The following CELSR2 variants were observed in gnomAD, a reference collection of about 807,000 sequenced individuals.
CELSR2 encodes the protein cadherin EGF LAG seven-pass G-type receptor 2, also known as EGF-like protein 2.
Under a neutral mutation model 251.6 loss-of-function variants are expected in CELSR2, and 81 were observed. That is an observed-to-expected ratio of 0.32 (90% CI 0.27 to 0.39). The LOEUF (loss-of-function observed/expected upper bound fraction) is 0.39. Among genes scored for constraint, CELSR2 ranks in the 10% least tolerant of loss-of-function variants. The pLI is 1.00. For synonymous variants in CELSR2, 1,721 were observed against 1,670.5 expected (o/e 1.03, Z -0.74); for missense variants, 3,365 against 3,947.7 (o/e 0.85, Z 3.96).
chr1:109,259,344 G>T (rs1397816259), intron 2 of CELSR2, among the ~76,000 whole-genome samples: 1 of 152,254 alleles, frequency 6.6e-6, no homozygotes, highest in Non-Finnish European at 1.5e-5. Context: ...GCCTGTGTTC[G>T]TGTATCAGCT....
intron 8 of CELSR2, 120 bp downstream of exon 8, chr1:109,263,387 G>A (rs549622548): frequency 2.6e-5 from 37 of 1,443,314 alleles, no homozygotes; most frequent in Non-Finnish European, 3.4e-5. Context: ...GGAAAAGCGT[G>A]TCTGGGCAGA....
chr1:109,269,386 C>T lies in CELSR2; in HGVS notation c.6813-38C>T, dbSNP rs1333055580. ...CGGGGGCGTCTCCCCAGTCATGTGACTGCCGTGGTGACTGTGCACCTGACT... is the reference window on the plus strand; with the variant it reads ...CGGGGGCGTCTCCCCAGTCATGTGATTGCCGTGGTGACTGTGCACCTGACT... On this transcript the variant is annotated intron_variant, in intron 20 of 33. Transcript: ENST00000271332. This position sits in a 1 kb window ranked among gnomAD's most constrained non-coding sequence, Gnocchi z 6.4. 5.0e-6 allele frequency: 8 copies of T among 1,610,598 alleles called. No individual in the cohort carries two copies. Among genetic ancestry groups the T allele is most frequent in the Admixed American group, 3.3e-5 (2 of 59,778 alleles).
chr1:109,270,797 G>T, intron 24 of CELSR2, 130 bp from the exon 25 acceptor site: 1 of 991,256 alleles, frequency 1.0e-6, no homozygotes, highest in South Asian at 1.5e-5. Flanking sequence ...GGGGAGATCG[G>T]TAGGGGCCGA....
chr1:109,251,818 T>C lies in CELSR2; in HGVS notation c.1739T>C (p.Val580Ala), dbSNP rs1485851592. Residue 580 changes from valine to alanine, a missense_variant, in exon 1 of 34, where the codon GTA becomes GCA. Transcript: ENST00000271332. The surrounding 1 kb of genome is among the most constrained non-coding windows in gnomAD (Gnocchi z 4.9). ...REEVDFYSFG[V>A]EARDHGTPAL... is the part of the protein sequence containing the mutation. ...GAAGTTGATTTCTACAGCTTTGGGG[T>C]AGAAGCTCGAGACCATGGCACTCCA... 6.2e-7 allele frequency: 1 copy of C among 1,613,838 alleles called. No individual in the cohort carries two copies. Among genetic ancestry groups the C allele is most frequent in the African/African-American group, 1.3e-5 (1 of 74,858 alleles).
At position 109,265,658 on chromosome 1, in the gene CELSR2, G is replaced by T. The variant is rs1019676910; in HGVS notation, c.5728-77G>T. On this transcript the variant is annotated intron_variant, in intron 13 of 33. Transcript: ENST00000271332. ...TGAGGTCGGGACCCTCTCCACAGGGGCCACAGCTGAGAAGGACCCATGAGC... is the reference window on the plus strand; with the variant it reads ...TGAGGTCGGGACCCTCTCCACAGGGTCCACAGCTGAGAAGGACCCATGAGC... 3 of 1,537,982 alleles carry T rather than the reference G, an allele frequency of 2.0e-6. No individual in the cohort carries two copies. In the African/African-American group the frequency reaches 4.1e-5, roughly 21 times the overall value.
At position 109,249,941 on chromosome 1, in the gene CELSR2, ACGCAGGCCCCGCGGGG is replaced by A. The variant is rs1462869404; in HGVS notation, c.-134_-119del. The A allele has an allele frequency of 2.6e-6, 2 of 770,990 alleles. No homozygotes were observed. Among genetic ancestry groups the A allele is most frequent in the Admixed American group, 4.9e-5 (1 of 20,290 alleles). The allele number at this position is 770,990 out of a possible 1,614,324, so 47.8% of individuals were successfully genotyped here. A position where few individuals can be genotyped will look rare whatever the true frequency, so the allele number is the denominator to read the frequency against. On this transcript the variant is annotated 5_prime_UTR_variant, in exon 1 of 34. Transcript: ENST00000271332. Reference sequence around the variant, plus strand: ...CGCGGGGTCCCGCCGAGCCATCCAGACGCAGGCCCCGCGGGGCGCACGGGAGGCCCCCGGGGACTGG... The same window carrying A: ...CGCGGGGTCCCGCCGAGCCATCCAGACGCACGGGAGGCCCCCGGGGACTGG...
rs757286169 is a variant in CELSR2 at position 109,250,666 on chromosome 1, C to T, written c.587C>T (p.Ala196Val). The part of the protein sequence containing the change: ...YQATVPENQP[A>V]GTPVASLRAI... The stretch of plus-strand genomic sequence containing the variant: ...GCCACAGTGCCGGAGAACCAGCCAG[C>T]AGGCACCCCTGTTGCATCCCTGAGG... The change falls in exon 1 of 34, where the codon GCA (alanine) becomes GTA (valine). Residue 196 changes from alanine to valine, a missense_variant. By Grantham distance (64) the Ala-to-Val change is moderately conservative. Coordinates refer to ENST00000271332, the MANE Select transcript of CELSR2 (RefSeq NM_001408.3). This position sits in a 1 kb window ranked among gnomAD's most constrained non-coding sequence, Gnocchi z 4.4. 3 of 1,614,114 alleles carry T rather than the reference C, an allele frequency of 1.9e-6. No homozygotes were observed. In the South Asian group the frequency reaches 3.3e-5, roughly 18 times the overall value.
intron 12 of CELSR2, 78 bp downstream of exon 12, chr1:109,265,087 G>C (rs72975226): frequency 1.9e-6 from 3 of 1,599,106 alleles, no homozygotes. Flanking sequence ...AGCCCCGAAA[G>C]CCTGGCTGAT....
rs1166664437 is a variant in CELSR2 at position 109,251,716 on chromosome 1, G to A, written c.1637G>A (p.Gly546Glu). The change falls in exon 1 of 34, where the codon GGG becomes GAG. Residue 546 changes from glycine (G) to glutamate (E), a missense_variant. Gly to Glu is a moderately conservative substitution (Grantham distance 98, BLOSUM62 -2). Coordinates refer to ENST00000271332, the MANE Select transcript of CELSR2 (RefSeq NM_001408.3). This position sits in a 1 kb window ranked among gnomAD's most constrained non-coding sequence, Gnocchi z 4.9. ...GCCCGCCTGGAATACCGCCTTGCTG[G>A]GGTGGGACATGACTTCCCCTTCACC... ...DNARLEYRLA[G>E]VGHDFPFTIN... The A allele has an allele frequency of 1.2e-6, 2 of 1,614,044 alleles. No individual in the cohort carries two copies. The highest frequency in any genetic ancestry group is 2.2e-5 in the East Asian group (1 of 44,880).
In CELSR2 at chr1:109,261,276, G is replaced by A. The variant is rs749362973; in HGVS notation, c.4181+12G>A. On this transcript the variant is annotated intron_variant, in intron 3 of 33. Transcript: ENST00000271332. The surrounding 1 kb of genome is among the most constrained non-coding windows in gnomAD (Gnocchi z 4.8). Reference sequence around the variant, plus strand: ...ACCCTGGCCCTCTCGTGAGTGGCTGGGCACTGGGGGTGGGGAGTGGGCCTG... The same window carrying A: ...ACCCTGGCCCTCTCGTGAGTGGCTGAGCACTGGGGGTGGGGAGTGGGCCTG... 6.2e-7 allele frequency: 1 copy of A among 1,610,484 alleles called. No homozygotes were observed. The highest frequency in any genetic ancestry group is 1.1e-5 in the South Asian group (1 of 90,854).
rs764609131 is a variant in CELSR2, at chr1:109,273,327, C to G, written c.8500C>G (p.Pro2834Ala). The G allele has an allele frequency of 1.3e-6, 2 of 1,597,716 alleles. No homozygotes were observed. The highest frequency in any genetic ancestry group is 1.7e-6 in the Non-Finnish European group (2 of 1,171,742). The change falls in exon 32 of 34, where the codon CCT becomes GCT. Residue 2834 changes from proline (P) to alanine (A), a missense_variant. Coordinates refer to ENST00000271332, the MANE Select transcript of CELSR2 (RefSeq NM_001408.3). ...LGPLPGSSAQ[P>A]HKGILKKKCL... ...CCCCCTTCCAGGCTCTTCTGCCCAG[C>G]CTCACAAAGGTGAGTGGGGCACCCC...
At position 109,263,826 on chromosome 1, in the gene CELSR2, T is replaced by C. The variant is rs767677688; in HGVS notation, c.5001+49T>C. On this transcript the variant is annotated intron_variant, in intron 9 of 33. Transcript: ENST00000271332. ...CCCTGGCCTGGCCATAGGGCCCTGGTAGCCTCTAGGCGGCTGGACAGAAGT... is the reference window on the plus strand; with the variant it reads ...CCCTGGCCTGGCCATAGGGCCCTGGCAGCCTCTAGGCGGCTGGACAGAAGT... The C allele has an allele frequency of 9.4e-6, 15 of 1,590,016 alleles. No individual in the cohort carries two copies. The South Asian group carries it at 1.6e-4, about 17-fold the overall frequency.
rs1370638465 is a variant in CELSR2 at position 109,261,187 on chromosome 1, C to A, written c.4104C>A (p.Thr1368=). Residue 1368 remains threonine (T), a synonymous_variant, in exon 3 of 34, where the codon ACC becomes ACA. Coordinates refer to ENST00000271332, the MANE Select transcript of CELSR2 (RefSeq NM_001408.3). This position sits in a 1 kb window ranked among gnomAD's most constrained non-coding sequence, Gnocchi z 4.8. ...TCGAGAAGCCCTACTGCCAGGTGAC[C>A]ACGCGCAGCTTCCCCGCCCACTCCT... ...GDFEKPYCQV[T]TRSFPAHSFI... is the part of the protein sequence containing the mutation. 1.2e-6 allele frequency: 2 copies of A among 1,614,166 alleles called. No individual in the cohort carries two copies. Among genetic ancestry groups the A allele is most frequent in the African/African-American group, 2.7e-5 (2 of 75,056 alleles).
chr1:109,261,433 C>T lies in CELSR2; in HGVS notation c.4182-80C>T, dbSNP rs991450344. On this transcript the variant is annotated intron_variant, in intron 3 of 33. Transcript: ENST00000271332. This position sits in a 1 kb window ranked among gnomAD's most constrained non-coding sequence, Gnocchi z 4.8. ...TGGTTCTGCCAGCAGATCTCCCTCCCCTGCGCTGGTTAGGTGGCGGGGGTG... is the reference window on the plus strand; with the variant it reads ...TGGTTCTGCCAGCAGATCTCCCTCCTCTGCGCTGGTTAGGTGGCGGGGGTG... The T allele has an allele frequency of 1.7e-5, 24 of 1,432,002 alleles. No homozygotes were observed. The African/African-American group carries it at 2.0e-4, about 12-fold the overall frequency. 88.7% of individuals were successfully genotyped at this position (1,432,002 alleles called of 1,614,324 possible).
Position 109,250,470 on chromosome 1 carries a change from C to T in CELSR2, c.391C>T (p.Leu131=), listed in dbSNP as rs1216272531. 7.4e-6 allele frequency: 12 copies of T among 1,613,630 alleles called. No individual in the cohort carries two copies. Among genetic ancestry groups the T allele is most frequent in the East Asian group, 2.2e-5 (1 of 44,888 alleles). Residue 131 remains leucine, a synonymous_variant, in exon 1 of 34, where the codon CTG becomes TTG. Transcript: ENST00000271332. The surrounding 1 kb of genome is among the most constrained non-coding windows in gnomAD (Gnocchi z 4.4). ...GHLSPQGKLT[L]PEEHPCLKAP... is the part of the protein sequence containing the mutation. ...CCTTTCCCCACAGGGCAAGCTCACA[C>T]TGCCCGAGGAGCACCCGTGCTTAAA...
Position 109,252,355 on chromosome 1 carries a change from G to A in CELSR2, c.2276G>A (p.Arg759His), listed in dbSNP as rs766786851. The stretch of plus-strand genomic sequence containing the variant: ...ATGGAGGACAGCATCCCCCAGTTCC[G>A]CATCGATGCAGACACGGGGGCTGTC... ...YFMEDSIPQF[R>H]IDADTGAVTT... The change falls in exon 1 of 34, where the codon CGC (arginine) becomes CAC (histidine). Residue 759 changes from arginine (R) to histidine (H), a missense_variant. This residue lies in a region of CELSR2 where 505 missense variants were observed against 660.0 expected (regional missense o/e 0.77). Transcript: ENST00000271332. The surrounding 1 kb of genome is among the most constrained non-coding windows in gnomAD (Gnocchi z 4.8). 26 of 1,612,774 alleles carry A rather than the reference G, an allele frequency of 1.6e-5. No homozygotes were observed. The highest frequency in any genetic ancestry group is 1.6e-4 in the Middle Eastern group (1 of 6,084).
rs368848021 is a variant in CELSR2, at chr1:109,253,106, C to T, written c.3027C>T (p.Val1009=). The change falls in exon 1 of 34, where the codon GTC becomes GTT. Residue 1009 remains valine (V), a synonymous_variant. Transcript: ENST00000271332. ...TSAPLVSRAT[V]HVRLLDRNDN... ...CTCCTCTGGTGAGCCGGGCTACAGT[C>T]CACGTCCGCCTCCTTGACCGCAATG... The T allele has an allele frequency of 6.2e-7, 1 of 1,613,832 alleles. No individual in the cohort carries two copies. Among genetic ancestry groups the T allele is most frequent in the South Asian group, 1.1e-5 (1 of 91,082 alleles).
chr1:109,266,156 G>C lies in CELSR2; in HGVS notation c.5963G>C (p.Arg1988Pro). 1 of 1,614,096 alleles carries C rather than the reference G, an allele frequency of 6.2e-7. No individual in the cohort carries two copies. Among genetic ancestry groups the C allele is most frequent in the Non-Finnish European group, 8.5e-7 (1 of 1,180,024 alleles). The change falls in exon 15 of 34, where the codon CGT becomes CCT. Residue 1988 changes from arginine (R) to proline (P), a missense_variant. By Grantham distance (103) the Arg-to-Pro change is moderately radical. Around this residue, in one of 5 missense-constraint regions of CELSR2, gnomAD observed 2,093 missense variants for 2,382.8 expected, o/e 0.88. Transcript: ENST00000271332. Reference protein sequence around the residue: ...RAIEAGIWWPRTRFGLPAAAP... With the variant: ...RAIEAGIWWPPTRFGLPAAAP... ...ATTGAGGCTGGGATCTGGTGGCCCCGTACCCGCTTCGGGCTGCCTGCTGCT... is the reference window on the plus strand; with the variant it reads ...ATTGAGGCTGGGATCTGGTGGCCCCCTACCCGCTTCGGGCTGCCTGCTGCT...
rs906088402 is a variant in CELSR2, at chr1:109,269,538, G to A, written c.6927G>A (p.Leu2309=). 3 of 1,614,018 alleles carry A rather than the reference G, an allele frequency of 1.9e-6. No homozygotes were observed. The highest frequency in any genetic ancestry group is 4.5e-5 in the East Asian group (2 of 44,894). The change falls in exon 21 of 34, where the codon CTG becomes CTA. Residue 2309 remains leucine (L), a synonymous_variant. Transcript: ENST00000271332. The surrounding 1 kb of genome is among the most constrained non-coding windows in gnomAD (Gnocchi z 6.4). ...DKPVTVQFRL[L]ETEERTKPIC... is the part of the protein sequence containing the mutation. ...CCGTCACGGTGCAGTTCCGCCTGCT[G>A]GAGACAGAGGAGCGGACCAAGCCCA...
Sources: gnomAD v4.1 joint callset for allele counts (sites outside exome capture counted in the v4.1 genomes callset) on GRCh38, gnomAD v4.1.1 for gene constraint, gnomAD v4.1.1 regional missense constraint, Gnocchi (gnomAD v3.1) non-coding constraint, MANE v1.5 for transcripts, NCBI Gene and HGNC (gene_info 2026-07-23, HGNC 2026-07-21) for gene names.